OPA1: variants seen among roughly 807,000 people sequenced by gnomAD.
OPA1 encodes the protein OPA1 mitochondrial dynamin like GTPase, also known as dynamin-like GTPase OPA1, mitochondrial.
A neutral mutation model predicts 152.9 loss-of-function variants in OPA1; 59 were observed. That is an observed-to-expected ratio of 0.39 (90% CI 0.31 to 0.48). The LOEUF (loss-of-function observed/expected upper bound fraction) is 0.48. OPA1 is among the 20% of genes least tolerant of loss of function. The pLI, the probability that OPA1 is intolerant of heterozygous loss-of-function variation, is 0.96. For missense variants in OPA1, 1,008 were observed against 1,216.8 expected, an observed-to-expected ratio of 0.83 and a Z score of 2.55; for synonymous variants, 400 against 389.9, an observed-to-expected ratio of 1.03 and a Z score of -0.31.
At chr3:193,597,706 A>G (rs1005060589) in intron 1 of OPA1, among the ~76,000 whole-genome samples, 179 of 151,788 alleles carry the variant, frequency 1.2e-3, no homozygotes, top group African/African-American at 4.1e-3. Flanking sequence ...AAAAAAAAAA[A>G]AAAGAAATGG....
intron 29 of OPA1, among the ~76,000 whole-genome samples, chr3:193,671,617 G>A (rs1197198102): frequency 1.3e-5 from 2 of 152,138 alleles, no homozygotes; most frequent in African/African-American, 2.4e-5. Context: ...GATTATTTTG[G>A]AAAATACCAT....
chr3:193,676,937 C>T (rs989234580), intron 29 of OPA1, among the ~76,000 whole-genome samples: 4 of 144,356 alleles, frequency 2.8e-5, no homozygotes, highest in South Asian at 2.2e-4. Flanking sequence ...GCCGAGATCG[C>T]GCCACTGCAC....
rs371718563 is a variant in OPA1 at position 193,637,164 on chromosome 3, TTTATA to T, written c.949-25_949-21del. ...ATATTTTTTTCTTTACTTTTACTGTTTTATATTATAACTTTTTAAAATTTTTACAG... is the reference window on the plus strand; with the variant it reads ...ATATTTTTTTCTTTACTTTTACTGTTTTATAACTTTTTAAAATTTTTACAG... On this transcript the variant is annotated intron_variant, in intron 9 of 30. Transcript: ENST00000361510. 7.3e-4 allele frequency: 926 copies of T among 1,269,626 alleles called. 11 individuals carry two copies. The South Asian group carries it at 0.011, about 15-fold the overall frequency. The allele number at this position is 1,269,626 out of a possible 1,614,324, so 78.6% of individuals were successfully genotyped here.
At chr3:193,598,204 A>C (rs553533816) in intron 1 of OPA1, among the ~76,000 whole-genome samples, 2 of 152,360 alleles carry the variant, frequency 1.3e-5, no homozygotes, top group South Asian at 4.1e-4. Flanking sequence ...TAATGGGAGA[A>C]AGATCGCTTA....
chr3:193,626,411 A>G (rs1203155436), intron 7 of OPA1, among the ~76,000 whole-genome samples: 1 of 152,186 alleles, frequency 6.6e-6, no homozygotes, highest in Non-Finnish European at 1.5e-5. Context: ...AAGCAGAGGA[A>G]TTTTGGTTTC....
Position 193,648,837 on chromosome 3 carries a change from G to A in OPA1, c.1978G>A (p.Val660Ile). Residue 660 changes from valine (V) to isoleucine (I), a missense_variant, in exon 21 of 31, where the codon GTT becomes ATT. Transcript: ENST00000361510. ...EKAKNEILDE[V>I]ISLSQVTPKH... The stretch of plus-strand genomic sequence containing the variant: ...AGCTAAAAATGAAATCCTTGATGAA[G>A]TTATCAGTCTGAGCCAGGTTACACC... The A allele has an allele frequency of 6.2e-7, 1 of 1,609,646 alleles. No individual in the cohort carries two copies. The highest frequency in any genetic ancestry group is 8.5e-7 in the Non-Finnish European group (1 of 1,176,308).
In OPA1 at chr3:193,667,175, C is replaced by T. The variant is rs1716763602; in HGVS notation, c.2878C>T (p.Arg960Ter). 3 of 1,515,916 alleles carry T rather than the reference C, an allele frequency of 2.0e-6. No homozygotes were observed. The highest frequency in any genetic ancestry group is 2.8e-6 in the Non-Finnish European group (3 of 1,090,686). The allele number at this position is 1,515,916 out of a possible 1,614,324, so 93.9% of individuals were successfully genotyped here. A position where few individuals can be genotyped will look rare whatever the true frequency, so the allele number is the denominator to read the frequency against. ...RQQLTNTEVR[R>*]LEKNVKEVLE... ...TTTTAACTTTCTTTAAACAGTTAGG[C>T]GATTAGAGAAAAATGTTAAAGAGGT... Residue 960 changes from arginine (R) to a stop codon, truncating the protein, a stop_gained, in exon 29 of 31, where the codon CGA becomes TGA. Coordinates refer to ENST00000361510, the MANE Select transcript of OPA1 (RefSeq NM_130837.3). LOFTEE classifies it high-confidence loss of function.
At chr3:193,670,118 G>A (rs1349809977) in intron 29 of OPA1, among the ~76,000 whole-genome samples, 1 of 151,970 alleles carries the variant, frequency 6.6e-6, no homozygotes, top group Non-Finnish European at 1.5e-5. Context: ...TTGGGAATAG[G>A]GTCATGGATA....
intron 29 of OPA1, among the ~76,000 whole-genome samples, chr3:193,690,662 T>C (rs764445063): frequency 2.0e-5 from 3 of 152,176 alleles, no homozygotes; most frequent in Non-Finnish European, 4.4e-5. Context: ...TCATCACTAA[T>C]AGCTGCCTCG....
At chr3:193,618,698 C>T in intron 5 of OPA1, 171 bp from the exon 6 acceptor site, 1 of 596,886 alleles carries the variant, frequency 1.7e-6, no homozygotes, top group African/African-American at 1.9e-5. Context: ...TTATTTTCTG[C>T]ACAGGTTATC....
At chr3:193,630,505 T>G (rs1731913435) in intron 7 of OPA1, among the ~76,000 whole-genome samples, 1 of 152,198 alleles carries the variant, frequency 6.6e-6, no homozygotes, top group African/African-American at 2.4e-5. Flanking sequence ...TGGACAAGAC[T>G]TATTAATGTC....
At chr3:193,663,658 A>C (rs1017174877) in intron 26 of OPA1, among the ~76,000 whole-genome samples, 1 of 152,158 alleles carries the variant, frequency 6.6e-6, no homozygotes, top group African/African-American at 2.4e-5. Context: ...CTAGTGGGGA[A>C]AGCAATCATT....
At chr3:193,652,051 A>G (rs1348940290) in intron 21 of OPA1, among the ~76,000 whole-genome samples, 1 of 152,200 alleles carries the variant, frequency 6.6e-6, no homozygotes, top group Non-Finnish European at 1.5e-5. Context: ...TCCCTGGTTG[A>G]TGGCAAAACC....
In OPA1 at chr3:193,643,732, ATT is replaced by A. The variant is rs1426915064; in HGVS notation, c.1477+109_1477+110del. The stretch of plus-strand genomic sequence containing the variant: ...TTATGTAAACATACAAGATAAATGC[ATT>A]TTTGCCTTCTCTTCGTATTCATTTT... On this transcript the variant is annotated intron_variant, in intron 15 of 30. Transcript: ENST00000361510. The A allele has an allele frequency of 2.8e-6, 3 of 1,070,938 alleles. No homozygotes were observed. In the East Asian group the frequency reaches 7.7e-5, roughly 28 times the overall value. 66.3% of individuals were successfully genotyped at this position (1,070,938 alleles called of 1,614,324 possible).
chr3:193,693,967 G>A (rs1553798135), intron 30 of OPA1, among the ~76,000 whole-genome samples: 4 of 152,224 alleles, frequency 2.6e-5, no homozygotes, highest in African/African-American at 4.8e-5. Context: ...CGGAAGCCCC[G>A]TTAAAAAGAC....
At chr3:193,640,038 G>A (rs942929129) in intron 11 of OPA1, among the ~76,000 whole-genome samples, 52 of 152,140 alleles carry the variant, frequency 3.4e-4, no homozygotes, top group African/African-American at 1.2e-3. Flanking sequence ...ATCAGGTTTG[G>A]GGGAAGAAGA....
At chr3:193,685,335 G>T (rs1720796717) in intron 29 of OPA1, among the ~76,000 whole-genome samples, 1 of 151,512 alleles carries the variant, frequency 6.6e-6, no homozygotes, top group Non-Finnish European at 1.5e-5. Context: ...TCAACAAATT[G>T]CTGTGGAGTT....
At chr3:193,622,777 CAG>C (rs1730381904) in intron 6 of OPA1, among the ~76,000 whole-genome samples, 1 of 152,138 alleles carries the variant, frequency 6.6e-6, no homozygotes, top group South Asian at 2.1e-4. Context: ...ATCTTTTTCT[CAG>C]AGCACCTGGG....
intron 29 of OPA1, among the ~76,000 whole-genome samples, chr3:193,680,921 TG>T (rs1720030304): frequency 1.3e-5 from 2 of 152,206 alleles, no homozygotes; most frequent in Non-Finnish European, 2.9e-5. Flanking sequence ...TTAAGTTTTT[TG>T]TGATAATTTA....
Sources: allele counts gnomAD v4.1 joint callset (sites outside exome capture counted in the v4.1 genomes callset), GRCh38; gene constraint gnomAD v4.1.1; transcripts MANE v1.5; gene names NCBI Gene and HGNC (gene_info 2026-07-23, HGNC 2026-07-21).